The following DISP1 variants were observed in gnomAD, a reference collection of about 807,000 sequenced individuals.
The protein encoded by DISP1 is protein dispatched homolog 1.
A neutral mutation model predicts 37.3 loss-of-function variants in DISP1; 30 were observed. The ratio of observed to expected loss-of-function variants is 0.80; its 90% CI spans 0.60 to 1.09. DISP1 has a LOEUF of 1.09. DISP1 is among the 50% of genes least tolerant of loss of function. DISP1 has a pLI of 0.00. For missense variants in DISP1, 1,598 were observed against 1,879.5 expected (o/e 0.85, Z 2.77); for synonymous variants, 634 against 690.2 (o/e 0.92, Z 1.28).
intron 4 of DISP1, among the ~76,000 whole-genome samples, chr1:222,984,417 A>T (rs201115746): frequency 0.071 from 5,419 of 76,242 alleles, 252 homozygotes; most frequent in East Asian, 0.14. Flanking sequence ...AAAAAAAAAA[A>T]AAAAATATAT....
chr1:222,844,543 G>A (rs1667790192), intron 1 of DISP1, among the ~76,000 whole-genome samples: 1 of 152,000 alleles, frequency 6.6e-6, no homozygotes, highest in South Asian at 2.1e-4. Flanking sequence ...CTAACATTTG[G>A]TGTTCATTAG....
At chr1:222,833,568 A>G (rs1666296143) in intron 1 of DISP1, among the ~76,000 whole-genome samples, 1 of 152,192 alleles carries the variant, frequency 6.6e-6, no homozygotes, top group Non-Finnish European at 1.5e-5. Flanking sequence ...GGCGTAGGAA[A>G]GGCTTGGTGC....
At chr1:222,911,858 T>A (rs1391147702) in intron 1 of DISP1, among the ~76,000 whole-genome samples, 1 of 152,170 alleles carries the variant, frequency 6.6e-6, no homozygotes, top group Non-Finnish European at 1.5e-5. Flanking sequence ...AAACTTGTAA[T>A]GTGCCAACAT....
At chr1:222,948,418 T>G (rs1324569447) in intron 3 of DISP1, among the ~76,000 whole-genome samples, 4 of 152,202 alleles carry the variant, frequency 2.6e-5, no homozygotes, top group African/African-American at 9.7e-5. Flanking sequence ...AGAGCTGCTA[T>G]CTATGTATGG....
At chr1:222,932,650 C>T (rs1479123891) in intron 2 of DISP1, among the ~76,000 whole-genome samples, 2 of 151,958 alleles carry the variant, frequency 1.3e-5, no homozygotes, top group African/African-American at 2.4e-5. Context: ...GGAATTTAAA[C>T]TCATCTGAAA....
intron 1 of DISP1, among the ~76,000 whole-genome samples, chr1:222,881,231 T>C (rs971902747): frequency 3.9e-5 from 6 of 152,226 alleles, no homozygotes; most frequent in African/African-American, 1.2e-4. Flanking sequence ...GTTTTGCTCT[T>C]GTTGCCCAGG....
At chr1:222,945,695 G>T (rs927121585) in intron 3 of DISP1, 20 of 152,328 alleles carry the variant, frequency 1.3e-4, no homozygotes, top group African/African-American at 4.8e-4. Context: ...TGGTTGTGGG[G>T]TCATTGTTGG....
chr1:222,869,383 T>A (rs958871569), intron 1 of DISP1, among the ~76,000 whole-genome samples: 4 of 152,196 alleles, frequency 2.6e-5, no homozygotes, highest in Admixed American at 2.0e-4. Context: ...CCAGTAACAA[T>A]TTGAGTGTAT....
At chr1:222,950,184 T>C (rs781556821) in intron 3 of DISP1, among the ~76,000 whole-genome samples, 4 of 152,024 alleles carry the variant, frequency 2.6e-5, no homozygotes, top group Non-Finnish European at 4.4e-5. Flanking sequence ...GAACAGAACA[T>C]GAATGGCCCT....
intron 8 of DISP1, among the ~76,000 whole-genome samples, chr1:222,999,964 A>G (rs547621114): frequency 6.6e-6 from 1 of 152,320 alleles, no homozygotes; most frequent in South Asian, 2.1e-4. Flanking sequence ...GCAGCCATCA[A>G]AATAGCATTT....
At chr1:222,913,868 G>T (rs1405023778) in intron 1 of DISP1, among the ~76,000 whole-genome samples, 2 of 151,752 alleles carry the variant, frequency 1.3e-5, no homozygotes, top group Non-Finnish European at 2.9e-5. Context: ...TCCAAGTGGG[G>T]GTAACTTGTT....
intron 1 of DISP1, among the ~76,000 whole-genome samples, chr1:222,833,646 ACTGT>A (rs1056528813): frequency 1.3e-5 from 2 of 152,134 alleles, no homozygotes; most frequent in African/African-American, 4.8e-5. Flanking sequence ...CTTTGCCATG[ACTGT>A]CTAAAACTGT....
At chr1:222,859,797 A>G (rs1668768199) in intron 1 of DISP1, among the ~76,000 whole-genome samples, 1 of 152,216 alleles carries the variant, frequency 6.6e-6, no homozygotes, top group Non-Finnish European at 1.5e-5. Context: ...TTTGGGATGA[A>G]TTAGTTCTCC....
Position 223,002,901 on chromosome 1 carries a change from A to T in DISP1, c.1504A>T (p.Met502Leu). ...CAGTTTGTTTCAGGATTATCTTCTAATGGATACTGTGTATCCTGCCATAGC... is the reference window on the plus strand; with the variant it reads ...CAGTTTGTTTCAGGATTATCTTCTATTGGATACTGTGTATCCTGCCATAGC... ...KHSLFQDYLL[M>L]DTVYPAIAIV... The change falls in exon 9 of 9, where the codon ATG becomes TTG. Residue 502 changes from methionine to leucine, a missense_variant. Transcript: ENST00000675850. The T allele has an allele frequency of 6.2e-7, 1 of 1,613,962 alleles. No individual in the cohort carries two copies. The highest frequency in any genetic ancestry group is 8.5e-7 in the Non-Finnish European group (1 of 1,180,034).
chr1:222,975,361 G>A (rs1311188721), intron 3 of DISP1, among the ~76,000 whole-genome samples: 2 of 152,064 alleles, frequency 1.3e-5, no homozygotes, highest in African/African-American at 4.8e-5. Flanking sequence ...TGTTAATTCT[G>A]CAGTTATGTC....
At chr1:222,887,434 T>A (rs1049221181) in intron 1 of DISP1, among the ~76,000 whole-genome samples, 1 of 151,652 alleles carries the variant, frequency 6.6e-6, no homozygotes, top group African/African-American at 2.4e-5. Flanking sequence ...ATGTTAGTTT[T>A]AAACATAATA....
chr1:222,999,050 T>C (rs1679265828), intron 8 of DISP1, among the ~76,000 whole-genome samples: 1 of 152,160 alleles, frequency 6.6e-6, no homozygotes, highest in Non-Finnish European at 1.5e-5. Context: ...TCTTAAAATA[T>C]CTGCAACTTA....
intron 1 of DISP1, among the ~76,000 whole-genome samples, chr1:222,870,630 T>C (rs967090577): frequency 1.3e-5 from 2 of 152,204 alleles, no homozygotes; most frequent in Non-Finnish European, 2.9e-5. Context: ...CACTTTTTGA[T>C]GGGGTTGTTT....
chr1:222,990,666 G>C lies in DISP1; in HGVS notation c.581G>C (p.Gly194Ala). Residue 194 changes from glycine to alanine, a missense_variant, in exon 5 of 9, where the codon GGC becomes GCC. Gly to Ala is a moderately conservative substitution (Grantham distance 60). Transcript: ENST00000675850. ...LIADWPVVVLGMCTMFIVVCA... is the reference protein window; with the variant it reads ...LIADWPVVVLAMCTMFIVVCA... The stretch of plus-strand genomic sequence containing the variant: ...GCCGACTGGCCGGTGGTGGTCTTGG[G>C]CATGTGCACCATGTTCATCGTAGTC... The C allele has an allele frequency of 6.2e-7, 1 of 1,614,088 alleles. No individual in the cohort carries two copies.
Sources: gnomAD v4.1 joint callset for allele counts (sites outside exome capture counted in the v4.1 genomes callset) on GRCh38, gnomAD v4.1.1 for gene constraint, MANE v1.5 for transcripts, NCBI Gene and HGNC (gene_info 2026-07-23, HGNC 2026-07-21) for gene names.